Variants in CELF2 observed in about 807,000 individuals in gnomAD.
CELF2 encodes the protein CUGBP Elav-like family member 2, also known as CUG triplet repeat RNA-binding protein 2.
Under a neutral mutation model 62.6 loss-of-function variants are expected in CELF2, and 8 were observed. The ratio of observed to expected loss-of-function variants is 0.13; its 90% CI spans 0.07 to 0.23. The LOEUF (loss-of-function observed/expected upper bound fraction) is 0.23. CELF2 is among the 10% of genes least tolerant of loss of function. The pLI, the probability that CELF2 is intolerant of heterozygous loss-of-function variation, is 1.00. For synonymous variants in CELF2, 258 were observed against 250.0 expected (o/e 1.03, Z -0.30); for missense variants, 333 against 671.0 (o/e 0.50, Z 5.56).
At chr10:11,151,013 A>G (rs1355115673) in intron 1 of CELF2, among the ~76,000 whole-genome samples, 2 of 151,268 alleles carry the variant, frequency 1.3e-5, no homozygotes, top group Non-Finnish European at 3.0e-5. Context: ...GTGAGATCAT[A>G]AAAAGTCCAG....
chr10:11,128,932 G>C (rs1482547192), intron 1 of CELF2, among the ~76,000 whole-genome samples: 3 of 152,214 alleles, frequency 2.0e-5, no homozygotes, highest in Non-Finnish European at 4.4e-5. Context: ...GGAGTGGTGA[G>C]AGAGGGCATC....
Position 11,329,036 on chromosome 10 carries a change from G to T in CELF2, c.1549G>T (p.Asp517Tyr). The change falls in exon 13 of 13, where the codon GAC becomes TAC. Residue 517 changes from aspartate (D) to tyrosine (Y), a missense_variant. Coordinates refer to ENST00000633077, the MANE Select transcript of CELF2 (RefSeq NM_001326342.2). The surrounding 1 kb of genome is among the most constrained non-coding windows in gnomAD (Gnocchi z 5.5). The part of the protein sequence containing the change: ...LKVQLKRSKN[D>Y]SKPY ...GGTGCAGCTGAAGCGTTCCAAAAAC[G>T]ACAGCAAACCTTACTGATCCTAACC... The T allele has an allele frequency of 6.2e-7, 1 of 1,612,920 alleles. No individual in the cohort carries two copies. Among genetic ancestry groups the T allele is most frequent in the South Asian group, 1.1e-5 (1 of 90,968 alleles).
chr10:11,127,218 A>G (rs1342140448), intron 1 of CELF2, among the ~76,000 whole-genome samples: 1 of 152,212 alleles, frequency 6.6e-6, no homozygotes, highest in East Asian at 1.9e-4. Flanking sequence ...TGTAAAGGAC[A>G]TGAACTCATC....
the CELF2 span, among the ~76,000 whole-genome samples, chr10:10,478,392 CAT>C: frequency 2.0e-5 from 3 of 152,134 alleles, no homozygotes; most frequent in Non-Finnish European, 2.9e-5. Flanking sequence ...TTCAAACAAA[CAT>C]GTACCAGAAA....
At chr10:10,525,075 G>A in the CELF2 span, among the ~76,000 whole-genome samples, 2 of 152,164 alleles carry the variant, frequency 1.3e-5, no homozygotes, top group African/African-American at 4.8e-5. Flanking sequence ...TGCATACGTT[G>A]TGGAATGATT....
the CELF2 span, among the ~76,000 whole-genome samples, chr10:10,611,416 T>G: frequency 1.3e-5 from 2 of 152,172 alleles, no homozygotes; most frequent in African/African-American, 4.8e-5. Context: ...CCACCCCAGA[T>G]AAATTTACCT....
At chr10:10,861,620 C>G (rs181112904) in intron 1 of CELF2, among the ~76,000 whole-genome samples, 2 of 152,224 alleles carry the variant, frequency 1.3e-5, no homozygotes, top group Admixed American at 6.5e-5. Context: ...AATCACCACC[C>G]AACTCTATGC....
intron 2 of CELF2, among the ~76,000 whole-genome samples, chr10:10,964,858 C>T (rs904168329): frequency 2.6e-5 from 4 of 152,218 alleles, no homozygotes; most frequent in Non-Finnish European, 4.4e-5. Flanking sequence ...TCACATCCCA[C>T]GATCTTACGG....
intron 1 of CELF2, among the ~76,000 whole-genome samples, chr10:11,092,797 G>A (rs2142017270): frequency 6.6e-6 from 1 of 152,354 alleles, no homozygotes; most frequent in South Asian, 2.1e-4. Context: ...CAAATGCCAA[G>A]ATGCCACAGT....
intron 1 of CELF2, among the ~76,000 whole-genome samples, chr10:11,120,302 A>G (rs1377044554): frequency 6.6e-6 from 1 of 152,174 alleles, no homozygotes; most frequent in Non-Finnish European, 1.5e-5. Flanking sequence ...CCAAATAGTT[A>G]GTAGCAAGTA....
intron 2 of CELF2, among the ~76,000 whole-genome samples, chr10:11,168,056 C>T (rs1468970648): frequency 6.6e-6 from 1 of 152,142 alleles, no homozygotes; most frequent in African/African-American, 2.4e-5. Context: ...CAGGGGCAGT[C>T]TCCTTTACTT....
chr10:10,728,084 AC>A, the CELF2 span, among the ~76,000 whole-genome samples: 19 of 151,498 alleles, frequency 1.3e-4, no homozygotes, highest in Admixed American at 4.6e-4. Flanking sequence ...TCTAGAGATG[AC>A]CTTTGAGCTG....
In CELF2 at chr10:11,244,667, A is replaced by AC. The variant is rs1163701605; in HGVS notation, c.355-4486_355-4485insC. The stretch of plus-strand genomic sequence containing the variant: ...GAGCAAGACTCCGTCTCAAAAAAAA[A>AC]AAAACAGCATAAAAACAACAACAAC... On this transcript the variant is annotated intron_variant, in intron 3 of 12. Coordinates refer to ENST00000633077, the MANE Select transcript of CELF2 (RefSeq NM_001326342.2). This position sits in a 1 kb window ranked among gnomAD's most constrained non-coding sequence, Gnocchi z 4.2. Among the ~76,000 whole-genome samples, 17 of 151,480 alleles carry AC rather than the reference A, an allele frequency of 1.1e-4. No homozygotes were observed. In the East Asian group the frequency reaches 3.3e-3, roughly 29 times the overall value.
At chr10:10,827,615 T>C (rs2057500162) in intron 1 of CELF2, among the ~76,000 whole-genome samples, 1 of 152,242 alleles carries the variant, frequency 6.6e-6, no homozygotes, top group South Asian at 2.1e-4. Flanking sequence ...AAAGTATTCA[T>C]ATTCCCTAAC....
the CELF2 span, among the ~76,000 whole-genome samples, chr10:10,585,373 T>C: frequency 6.6e-6 from 1 of 152,156 alleles, no homozygotes; most frequent in Non-Finnish European, 1.5e-5. Context: ...CCGTTATCTT[T>C]CCCTTCTGTC....
chr10:10,637,390 C>T, the CELF2 span, among the ~76,000 whole-genome samples: 2 of 152,142 alleles, frequency 1.3e-5, no homozygotes, highest in African/African-American at 2.4e-5. Context: ...CTGCAATTTG[C>T]TCTGCACTAT....
chr10:11,035,291 TTTG>T (rs1344303414), intron 1 of CELF2, among the ~76,000 whole-genome samples: 1 of 152,242 alleles, frequency 6.6e-6, no homozygotes, highest in Non-Finnish European at 1.5e-5. Context: ...TACAAGTTTA[TTTG>T]TTGTTTCTAA....
chr10:11,120,600 T>C (rs2057544785), intron 1 of CELF2, among the ~76,000 whole-genome samples: 1 of 152,164 alleles, frequency 6.6e-6, no homozygotes, highest in Non-Finnish European at 1.5e-5. Flanking sequence ...GGGAGAGCAC[T>C]CTTGCCCTTC....
chr10:10,547,692 A>AGTGTGTGT, the CELF2 span, among the ~76,000 whole-genome samples: 57 of 138,108 alleles, frequency 4.1e-4, no homozygotes, highest in African/African-American at 1.2e-3. Context: ...AGAGAGAGAG[A>AGTGTGTGT]GTGTGTGTGT....
Sources: gnomAD v4.1 joint callset for allele counts (sites outside exome capture counted in the v4.1 genomes callset) on GRCh38, gnomAD v4.1.1 for gene constraint, Gnocchi (gnomAD v3.1) non-coding constraint, MANE v1.5 for transcripts, NCBI Gene and HGNC (gene_info 2026-07-23, HGNC 2026-07-21) for gene names.